The following SHISA6 variants were observed in gnomAD, a reference collection of about 807,000 sequenced individuals.
The protein encoded by SHISA6 is protein shisa-6.
In SHISA6, 22 loss-of-function variants were observed where a neutral mutation model predicts 47.9. The observed-to-expected ratio is 0.46, with a 90% CI of 0.33 to 0.66. The LOEUF is 0.66. Among genes scored for constraint, SHISA6 ranks in the 30% least tolerant of loss-of-function variants. The probability of loss-of-function intolerance (pLI) is 0.02; values close to 1 mark genes in which losing one functional copy is unlikely to be tolerated. For missense variants in SHISA6, 680 were observed against 764.6 expected (o/e 0.89, Z 1.30); for synonymous variants, 388 against 337.8 (o/e 1.15, Z -1.63).
rs879872625 is a variant in SHISA6 at position 11,563,471 on chromosome 17, T to C, written c.*5167T>C. ...CCCATCTTGTAAATCAGCAAACACA[T>C]TAACCTTCCATCAGTCAGAGAAATA... On this transcript the variant is annotated 3_prime_UTR_variant, in exon 6 of 6. Coordinates refer to ENST00000441885, the MANE Select transcript of SHISA6 (RefSeq NM_207386.4). The C allele has an allele frequency of 2.0e-5, 3 of 152,148 alleles. No homozygotes were observed. Among genetic ancestry groups the C allele is most frequent in the Non-Finnish European group, 4.4e-5 (3 of 68,026 alleles). 9.4% of individuals were successfully genotyped at this position (152,148 alleles called of 1,614,324 possible). A position where few individuals can be genotyped will look rare whatever the true frequency, so the allele number is the denominator to read the frequency against.
At chr17:11,368,909 C>T (rs776612359) in intron 2 of SHISA6, among the ~76,000 whole-genome samples, 1 of 152,202 alleles carries the variant, frequency 6.6e-6, no homozygotes, top group Non-Finnish European at 1.5e-5. Context: ...CCCACCTCAG[C>T]CTCCCAAAGT....
chr17:11,296,127 G>T (rs1446879873), intron 2 of SHISA6, among the ~76,000 whole-genome samples: 3 of 152,118 alleles, frequency 2.0e-5, no homozygotes, highest in Admixed American at 6.5e-5. Context: ...GAAGGTTCTA[G>T]AGAGGAGGCC....
At chr17:11,343,982 C>T (rs1260854700) in intron 2 of SHISA6, among the ~76,000 whole-genome samples, 1 of 152,164 alleles carries the variant, frequency 6.6e-6, no homozygotes, top group African/African-American at 2.4e-5. Flanking sequence ...AGCCACTGCA[C>T]CTGGCCTATC....
intron 2 of SHISA6, among the ~76,000 whole-genome samples, chr17:11,304,646 G>C (rs908960420): frequency 1.3e-5 from 2 of 152,130 alleles, no homozygotes; most frequent in African/African-American, 4.8e-5. Context: ...GCACCCTTTA[G>C]GGCTATGCTT....
At chr17:11,395,077 C>T (rs1279548620) in intron 3 of SHISA6, among the ~76,000 whole-genome samples, 6 of 146,058 alleles carry the variant, frequency 4.1e-5, no homozygotes, top group African/African-American at 1.5e-4. Flanking sequence ...TCTCGGCTCA[C>T]TGCAAGCTCT....
Position 11,241,948 on chromosome 17 carries a change from T to C in SHISA6, c.526T>C (p.Phe176Leu). The C allele has an allele frequency of 6.4e-7, 1 of 1,550,968 alleles. No individual in the cohort carries two copies. Among genetic ancestry groups the C allele is most frequent in the Non-Finnish European group, 8.7e-7 (1 of 1,147,012 alleles). The change falls in exon 1 of 6, where the codon TTC (phenylalanine) becomes CTC (leucine). Residue 176 changes from phenylalanine to leucine, a missense_variant. Transcript: ENST00000441885. The surrounding 1 kb of genome is among the most constrained non-coding windows in gnomAD (Gnocchi z 5.5). ...KYDPEKDKTN[F>L]TVYITCGVIA... is the part of the protein sequence containing the mutation. ...CGACCCGGAGAAGGACAAGACCAAC[T>C]TCACCGTCTACATCACCTGCGGGGT...
At chr17:11,354,733 G>T (rs1912025182) in intron 2 of SHISA6, among the ~76,000 whole-genome samples, 1 of 152,114 alleles carries the variant, frequency 6.6e-6, no homozygotes, top group Non-Finnish European at 1.5e-5. Flanking sequence ...CCTTGTTTGT[G>T]GGCACGTGCC....
intron 2 of SHISA6, among the ~76,000 whole-genome samples, chr17:11,306,804 G>A (rs947862905): frequency 2.0e-5 from 3 of 152,096 alleles, no homozygotes; most frequent in African/African-American, 4.8e-5. Flanking sequence ...TTCTTTCCTA[G>A]ACATCGCTCT....
rs890407155 is a variant in SHISA6, at chr17:11,280,462, A to G, written c.799+16936A>G. Among the ~76,000 whole-genome samples, 58 of 152,348 alleles carry G rather than the reference A, an allele frequency of 3.8e-4. 1 individual carries two copies. Among genetic ancestry groups the G allele is most frequent in the African/African-American group, 1.3e-3 (54 of 41,574 alleles). ...GTCTGGCGAGAGAGGTTGCAATACA[A>G]CAGGTAGACTAGCATGAATTCAGGA... On this transcript the variant is annotated intron_variant, in intron 2 of 5. Transcript: ENST00000441885.
At chr17:11,515,310 G>A (rs2071574793) in intron 3 of SHISA6, among the ~76,000 whole-genome samples, 1 of 113,928 alleles carries the variant, frequency 8.8e-6, no homozygotes, top group African/African-American at 3.6e-5. Flanking sequence ...AAGGAAGAAA[G>A]AAAAAGGAAG....
intron 3 of SHISA6, among the ~76,000 whole-genome samples, chr17:11,430,539 A>G (rs1914740832): frequency 1.3e-5 from 2 of 152,276 alleles, no homozygotes; most frequent in Middle Eastern, 3.4e-3. Context: ...TTACTCCAGC[A>G]TAATCCACCC....
In SHISA6 at chr17:11,464,954, A is replaced by C. The variant is rs566925083; in HGVS notation, c.895+85445A>C. The stretch of plus-strand genomic sequence containing the variant: ...CAAAACTGATTAAAAAAAAAAAAAA[A>C]CCCTTTTATAAGCACCAGGTTCATG... On this transcript the variant is annotated intron_variant, in intron 3 of 5. Coordinates refer to ENST00000441885, the MANE Select transcript of SHISA6 (RefSeq NM_207386.4). Among the ~76,000 whole-genome samples the C allele has an allele frequency of 1.6e-3, 229 of 144,156 alleles. 2 individuals are homozygous for C. Among genetic ancestry groups the C allele is most frequent in the African/African-American group, 5.3e-3 (205 of 38,768 alleles). 94.6% of individuals were successfully genotyped at this position (144,156 alleles called of 152,430 possible). A position where few individuals can be genotyped will look rare whatever the true frequency, so the allele number is the denominator to read the frequency against.
At chr17:11,379,621 G>A (rs1567589560) in intron 3 of SHISA6, 112 bp downstream of exon 3, 6 of 691,448 alleles carry the variant, frequency 8.7e-6, no homozygotes, top group Non-Finnish European at 1.4e-5. Context: ...AATAAGTGGG[G>A]TGGTTCCATG....
At position 11,241,910 on chromosome 17, in the gene SHISA6, C is replaced by T. The variant is rs1377198333; in HGVS notation, c.488C>T (p.Pro163Leu). The T allele has an allele frequency of 1.3e-6, 2 of 1,551,118 alleles. No individual in the cohort carries two copies. Among genetic ancestry groups the T allele is most frequent in the Admixed American group, 2.0e-5 (1 of 51,016 alleles). ...TPSTKVVSPGPENKYDPEKDK... is the reference protein window; with the variant it reads ...TPSTKVVSPGLENKYDPEKDK... Reference sequence around the variant, plus strand: ...AGCACCAAGGTGGTGTCGCCGGGGCCCGAGAACAAGTACGACCCGGAGAAG... The same window carrying T: ...AGCACCAAGGTGGTGTCGCCGGGGCTCGAGAACAAGTACGACCCGGAGAAG... Residue 163 changes from proline to leucine, a missense_variant, in exon 1 of 6, where the codon CCC becomes CTC. Around this residue, in one of 2 missense-constraint regions of SHISA6, gnomAD observed 559 missense variants for 674.1 expected, o/e 0.83. Transcript: ENST00000441885. This position sits in a 1 kb window ranked among gnomAD's most constrained non-coding sequence, Gnocchi z 5.5.
At chr17:11,517,712 C>T (rs1338699544) in intron 3 of SHISA6, among the ~76,000 whole-genome samples, 1 of 152,068 alleles carries the variant, frequency 6.6e-6, no homozygotes, top group African/African-American at 2.4e-5. Context: ...CTGTGTTGCC[C>T]AGGCTGGTCT....
intron 3 of SHISA6, among the ~76,000 whole-genome samples, chr17:11,414,032 C>A (rs1914210369): frequency 6.6e-6 from 1 of 151,548 alleles, no homozygotes. Flanking sequence ...ACCTTTTCCT[C>A]TTCTCCTCTC....
In SHISA6 at chr17:11,538,153, T is replaced by A. The variant is rs137970760; in HGVS notation, c.896-13743T>A. The stretch of plus-strand genomic sequence containing the variant: ...ATCTCGGCTCACTGCAACTTCTGCC[T>A]CTTGGGTTCAAGCAATTCTCCTGCC... On this transcript the variant is annotated intron_variant, in intron 3 of 5. Coordinates refer to ENST00000441885, the MANE Select transcript of SHISA6 (RefSeq NM_207386.4). Among the ~76,000 whole-genome samples the A allele has an allele frequency of 8.0e-3, 1,221 of 152,228 alleles. 16 individuals carry two copies. Among genetic ancestry groups the A allele is most frequent in the African/African-American group, 0.028 (1,163 of 41,520 alleles).
At chr17:11,326,095 C>T (rs1427058421) in intron 2 of SHISA6, among the ~76,000 whole-genome samples, 1 of 152,080 alleles carries the variant, frequency 6.6e-6, no homozygotes, top group African/African-American at 2.4e-5. Context: ...CATGGTGAAA[C>T]CCTGTCTCTA....
chr17:11,386,480 G>A (rs1407258609), intron 3 of SHISA6, among the ~76,000 whole-genome samples: 3 of 152,314 alleles, frequency 2.0e-5, no homozygotes, highest in African/African-American at 7.2e-5. Flanking sequence ...GAGTTTTAAT[G>A]TTAAGGATTA....
Sources: allele counts gnomAD v4.1 joint callset (sites outside exome capture counted in the v4.1 genomes callset), GRCh38; gene constraint gnomAD v4.1.1; regional missense constraint gnomAD v4.1.1; non-coding constraint Gnocchi (gnomAD v3.1); transcripts MANE v1.5; gene names NCBI Gene and HGNC (gene_info 2026-07-23, HGNC 2026-07-21).